The following CSGALNACT1 variants were observed in gnomAD, a reference collection of about 807,000 sequenced individuals.
CSGALNACT1 encodes chondroitin sulfate N-acetylgalactosaminyltransferase 1.
In CSGALNACT1, 52 loss-of-function variants were observed where a neutral mutation model predicts 51.0. That is an observed-to-expected ratio of 1.02 (90% CI 0.82 to 1.29). CSGALNACT1 has a LOEUF of 1.29. CSGALNACT1 is among the 50% of genes most tolerant of loss of function. The pLI is 0.00. For missense variants in CSGALNACT1, 935 were observed against 679.2 expected, an observed-to-expected ratio of 1.38 and a Z score of -4.19; for synonymous variants, 341 against 254.4, an observed-to-expected ratio of 1.34 and a Z score of -3.24.
intron 3 of CSGALNACT1, among the ~76,000 whole-genome samples, chr8:19,514,521 A>G (rs147550570): frequency 0.02 from 2,869 of 140,302 alleles, 142 homozygotes; most frequent in African/African-American, 0.074. Context: ...ACATGTATCT[A>G]TTTAAAAATT....
At chr8:19,478,053 G>A (rs1278338333) in intron 4 of CSGALNACT1, among the ~76,000 whole-genome samples, 1 of 152,154 alleles carries the variant, frequency 6.6e-6, no homozygotes, top group Non-Finnish European at 1.5e-5. Flanking sequence ...TCTAGGTCTG[G>A]TGGTTCCCGT....
chr8:19,505,535 G>C lies in CSGALNACT1; in HGVS notation c.300C>G (p.Ala100=), dbSNP rs149861359. 13 of 1,613,852 alleles carry C rather than the reference G, an allele frequency of 8.1e-6. No individual in the cohort carries two copies. In the African/African-American group the frequency reaches 1.5e-4, roughly 18 times the overall value. Reference sequence around the variant, plus strand: ...CCAGACCCAGGCCAGCAGCATCGCTGGCTTGGTACTGCCCATTCCTGAGCT... The same window carrying C: ...CCAGACCCAGGCCAGCAGCATCGCTCGCTTGGTACTGCCCATTCCTGAGCT... Residue 100 remains alanine (A), a synonymous_variant, in exon 4 of 10, where the codon GCC becomes GCG. Coordinates refer to ENST00000454498, the Ensembl canonical transcript of CSGALNACT1.
chr8:19,659,874 A>G lies in CSGALNACT1; in HGVS notation c.-544+22599T>C, dbSNP rs369148536. On this transcript the variant is annotated intron_variant, in intron 1 of 9. Coordinates refer to the CSGALNACT1 transcript ENST00000332246. Reference sequence around the variant, plus strand: ...GCTTCCTGCTAATCCCAGATTGCCTACTTATCCTCTTGCCTGAAGAGATGG... The same window carrying G: ...GCTTCCTGCTAATCCCAGATTGCCTGCTTATCCTCTTGCCTGAAGAGATGG... 2.0e-5 allele frequency among the ~76,000 whole-genome samples: 3 copies of G among 152,292 alleles called. No individual in the cohort carries two copies. The East Asian group carries it at 5.8e-4, about 29-fold the overall frequency.
intron 1 of CSGALNACT1, among the ~76,000 whole-genome samples, chr8:19,756,725 G>C (rs2065407499): frequency 6.6e-6 from 1 of 151,952 alleles, no homozygotes; most frequent in South Asian, 2.1e-4. Flanking sequence ...GGCCACCCTC[G>C]TCACGCCCCC....
chr8:19,608,566 C>G (rs953973927), intron 1 of CSGALNACT1, among the ~76,000 whole-genome samples: 1 of 152,218 alleles, frequency 6.6e-6, no homozygotes, highest in Non-Finnish European at 1.5e-5. Flanking sequence ...ACATGCATCT[C>G]CATTACTGGC....
intron 1 of CSGALNACT1, among the ~76,000 whole-genome samples, chr8:19,706,462 G>A (rs2154226432): frequency 6.6e-6 from 1 of 152,240 alleles, no homozygotes; most frequent in Non-Finnish European, 1.5e-5. Flanking sequence ...GAATAACACA[G>A]GCACTAAAAT....
upstream of CSGALNACT1, among the ~76,000 whole-genome samples, chr8:19,683,461 G>C (rs1444858395): frequency 1.3e-5 from 2 of 152,170 alleles, no homozygotes; most frequent in Admixed American, 6.5e-5. Context: ...AAGGTGTCAA[G>C]TTCTTTTAAA....
At chr8:19,625,143 T>A (rs527646249) in intron 1 of CSGALNACT1, among the ~76,000 whole-genome samples, 1 of 152,046 alleles carries the variant, frequency 6.6e-6, no homozygotes. Context: ...CAACCCTACC[T>A]AGATGGAGAG....
chr8:19,420,425 T>C lies in CSGALNACT1; in HGVS notation c.1047A>G (p.Gly349=). Residue 349 remains glycine, a synonymous_variant, in exon 7 of 10, where the codon GGA becomes GGG. Coordinates refer to ENST00000454498, the Ensembl canonical transcript of CSGALNACT1. ...CACAGAAAAAGAGAAGGACGTTGCT[T>C]CCCTTCCAGAAGCGGGCTCCAACAT... 6.2e-7 allele frequency: 1 copy of C among 1,614,196 alleles called. No homozygotes were observed. The highest frequency in any genetic ancestry group is 8.5e-7 in the Non-Finnish European group (1 of 1,180,034).
chr8:19,569,711 C>T (rs1210766436), intron 3 of CSGALNACT1, among the ~76,000 whole-genome samples: 1 of 152,118 alleles, frequency 6.6e-6, no homozygotes, highest in East Asian at 1.9e-4. Flanking sequence ...TAGGCCTATG[C>T]TATGACCCAG....
chr8:19,520,408 G>C (rs759716846), intron 3 of CSGALNACT1, among the ~76,000 whole-genome samples: 1 of 152,204 alleles, frequency 6.6e-6, no homozygotes, highest in Non-Finnish European at 1.5e-5. Flanking sequence ...ATATTTTTAA[G>C]GCTGTGGCTC....
At chr8:19,475,918 A>T (rs965902048) in intron 4 of CSGALNACT1, among the ~76,000 whole-genome samples, 1 of 152,180 alleles carries the variant, frequency 6.6e-6, no homozygotes, top group Non-Finnish European at 1.5e-5. Flanking sequence ...GGGCAAAGTC[A>T]ATTCTCAAAG....
upstream of CSGALNACT1, among the ~76,000 whole-genome samples, chr8:19,606,736 CAATA>C (rs548934743): frequency 6.6e-6 from 1 of 152,142 alleles, no homozygotes; most frequent in Non-Finnish European, 1.5e-5. Flanking sequence ...TTTCTTACCT[CAATA>C]AATAGAGATA....
chr8:19,480,329 C>T (rs2071012434), intron 4 of CSGALNACT1, among the ~76,000 whole-genome samples: 1 of 152,152 alleles, frequency 6.6e-6, no homozygotes, highest in East Asian at 1.9e-4. Context: ...GTGTTTTCAT[C>T]ATTTAGCTAC....
chr8:19,528,935 C>G (rs77239548), intron 3 of CSGALNACT1, among the ~76,000 whole-genome samples: 2 of 152,184 alleles, frequency 1.3e-5, no homozygotes, highest in African/African-American at 4.8e-5. Flanking sequence ...GAAGGGCACA[C>G]AGCCTTCAGA....
chr8:19,607,876 G>A (rs2051618474), intron 1 of CSGALNACT1, among the ~76,000 whole-genome samples: 1 of 152,202 alleles, frequency 6.6e-6, no homozygotes, highest in African/African-American at 2.4e-5. Context: ...ATCCCTGTGT[G>A]TAGGAAGATA....
intron 1 of CSGALNACT1, among the ~76,000 whole-genome samples, chr8:19,639,480 C>A (rs2056493078): frequency 6.6e-6 from 1 of 152,216 alleles, no homozygotes; most frequent in Non-Finnish European, 1.5e-5. Context: ...TACTGTATCA[C>A]ATGTGAAACA....
chr8:19,656,580 G>A (rs2058294074), intron 1 of CSGALNACT1, among the ~76,000 whole-genome samples: 2 of 136,090 alleles, frequency 1.5e-5, no homozygotes, highest in Admixed American at 7.7e-5. Context: ...CCAAGAACCA[G>A]GAGAAACTAC....
At chr8:19,485,086 G>C (rs1199024844) in intron 4 of CSGALNACT1, among the ~76,000 whole-genome samples, 2 of 152,156 alleles carry the variant, frequency 1.3e-5, no homozygotes, top group Non-Finnish European at 2.9e-5. Flanking sequence ...TGTTATGGCA[G>C]CCCAAGTCAT....
Sources: allele counts gnomAD v4.1 joint callset (sites outside exome capture counted in the v4.1 genomes callset), GRCh38; gene constraint gnomAD v4.1.1; transcripts MANE v1.5; gene names NCBI Gene and HGNC (gene_info 2026-07-23, HGNC 2026-07-21).